The following DMD variants were observed in gnomAD, a reference collection of about 807,000 sequenced individuals.
The protein encoded by DMD is mutant dystrophin.
DMD carries 63 observed loss-of-function variants against 330.1 expected under a neutral mutation model. The ratio of observed to expected loss-of-function variants is 0.19; its 90% CI spans 0.16 to 0.24. The LOEUF (loss-of-function observed/expected upper bound fraction) is 0.24, where lower values mean the gene tolerates loss of function less well. Among genes scored for constraint, DMD ranks in the 10% least tolerant of loss-of-function variants. DMD has a pLI of 1.00. For missense variants in DMD, 3,344 were observed against 2,684.1 expected (o/e 1.25, Z -5.43); for synonymous variants, 1,223 against 959.8 (o/e 1.27, Z -5.07).
chrX:32,837,630 CTT>C (rs1399627955), intron 4 of DMD, among the ~76,000 whole-genome samples: 1 of 112,027 alleles, frequency 8.9e-6, no homozygotes, highest in African/African-American at 3.2e-5. Flanking sequence ...ATTACACTCT[CTT>C]CAACTTTTTC....
At chrX:32,554,878 GAAGAAAGAAAGAAAGAAAGAAAGA>G (rs769646135) in intron 16 of DMD, among the ~76,000 whole-genome samples, 10 of 32,724 alleles carry the variant, frequency 3.1e-4, no homozygotes, top group South Asian at 2.6e-3. Context: ...GAGAAGGAAA[GAAGAAAGAAAGAAAGAAAGAAAGA>G]AAGAAAGAAA....
At chrX:32,865,589 T>C (rs919282356) in intron 2 of DMD, among the ~76,000 whole-genome samples, 2 of 112,343 alleles carry the variant, frequency 1.8e-5, no homozygotes, top group Non-Finnish European at 3.8e-5. Context: ...AGACACCCCA[T>C]CCGAGTGTAC....
chrX:32,922,084 CAGA>C (rs1240682898), intron 2 of DMD, among the ~76,000 whole-genome samples: 4 of 110,212 alleles, frequency 3.6e-5, no homozygotes, highest in Non-Finnish European at 5.7e-5. Context: ...TACACATAAG[CAGA>C]AGGAGAGGGT....
At chrX:32,578,006 CAAAG>C (rs2149165529) in intron 13 of DMD, among the ~76,000 whole-genome samples, 1 of 112,191 alleles carries the variant, frequency 8.9e-6, no homozygotes, top group African/African-American at 3.2e-5. Flanking sequence ...ATTTGAATTA[CAAAG>C]AATGAAGCAA....
chrX:31,891,569 G>T (rs1057042872), intron 47 of DMD, among the ~76,000 whole-genome samples: 3 of 111,756 alleles, frequency 2.7e-5, no homozygotes, highest in Non-Finnish European at 5.6e-5. Context: ...AAATGGGTGA[G>T]ACATGAATAT....
chrX:32,141,271 C>CAAA lies in DMD; in HGVS notation c.6438+75642_6438+75644dup, dbSNP rs35628041. Among the ~76,000 whole-genome samples, 733 of 96,995 alleles carry CAAA rather than the reference C, an allele frequency of 7.6e-3. 9 individuals carry two copies. The highest frequency in any genetic ancestry group is 0.026 in the African/African-American group (669 of 26,037). 84.2% of individuals were successfully genotyped at this position (96,995 alleles called of 115,157 possible). On this transcript the variant is annotated intron_variant, in intron 44 of 78. Coordinates refer to ENST00000357033, the MANE Select transcript of DMD (RefSeq NM_004006.3). ...TGAAACCCCGTCTCTACTAAAAATA[C>CAAA]AAAAAAAAAAAACAAATAGCCTGGC...
intron 47 of DMD, among the ~76,000 whole-genome samples, chrX:31,918,152 GT>G (rs768511285): frequency 8.9e-6 from 1 of 112,519 alleles, no homozygotes; most frequent in Non-Finnish European, 1.9e-5. Context: ...GAATTTTATG[GT>G]AACCTACTTT....
intron 43 of DMD, among the ~76,000 whole-genome samples, chrX:32,278,472 A>T (rs1268649221): frequency 9.0e-6 from 1 of 111,388 alleles, no homozygotes; most frequent in East Asian, 2.8e-4. Flanking sequence ...AATTTTCGCA[A>T]CCTACTCATC....
chrX:32,890,386 G>C (rs1296628913), intron 2 of DMD, among the ~76,000 whole-genome samples: 1 of 107,265 alleles, frequency 9.3e-6, no homozygotes, highest in Admixed American at 1.0e-4. Flanking sequence ...AACTTTTCGC[G>C]GGGAAGGAAA....
intron 47 of DMD, among the ~76,000 whole-genome samples, chrX:31,892,971 A>G (rs765708774): frequency 8.9e-6 from 1 of 112,306 alleles, no homozygotes; most frequent in African/African-American, 3.2e-5. Context: ...GTGGCCATTA[A>G]GATTAAAATA....
chrX:32,469,193 G>A (rs989335077), intron 22 of DMD, among the ~76,000 whole-genome samples: 3 of 110,196 alleles, frequency 2.7e-5, no homozygotes, highest in Non-Finnish European at 3.8e-5. Context: ...ATTCTGTTAT[G>A]TAGTATTATG....
chrX:32,773,533 T>A (rs1034622852), intron 7 of DMD, among the ~76,000 whole-genome samples: 5 of 85,086 alleles, frequency 5.9e-5, no homozygotes, highest in African/African-American at 1.6e-4. Context: ...TTTTTTTTTT[T>A]ACCTATTTAC....
chrX:32,170,279 T>C (rs2096882940), intron 44 of DMD, among the ~76,000 whole-genome samples: 1 of 109,688 alleles, frequency 9.1e-6, no homozygotes, highest in African/African-American at 3.3e-5. Context: ...GAGACCAGCC[T>C]GACCAACATG....
At position 31,479,019 on chromosome X, in the gene DMD, A is replaced by G; in HGVS notation, c.8632T>C (p.Leu2878=). 8.3e-7 allele frequency: 1 copy of G among 1,209,963 alleles called. No homozygotes were observed. Among genetic ancestry groups the G allele is most frequent in the Non-Finnish European group, 1.1e-6 (1 of 894,136 alleles). Residue 2878 remains leucine, a synonymous_variant, in exon 58 of 79, where the codon TTG becomes CTG. Coordinates refer to ENST00000357033, the MANE Select transcript of DMD (RefSeq NM_004006.3). The part of the protein sequence containing the change: ...TVRIFLTEQP[L]EGLEKLYQEP... ...TGGTAGAGTTTCTCTAGTCCTTCCA[A>G]AGGCTGCTCTGTCAGAAATATTCGT...
chrX:32,809,207 T>G (rs1313343070), intron 7 of DMD, among the ~76,000 whole-genome samples: 1 of 111,771 alleles, frequency 8.9e-6, no homozygotes. Flanking sequence ...TTATTTGGAG[T>G]CAATGCACTC....
chrX:33,219,355 T>TGTGTGTG (rs1557302329), intron 1 of DMD, among the ~76,000 whole-genome samples: 1 of 100,859 alleles, frequency 9.9e-6, no homozygotes, highest in Non-Finnish European at 2.0e-5. Context: ...TGTGTGTGTG[T>TGTGTGTG]TCTGTAAATA....
chrX:32,889,859 T>C (rs942688762), intron 2 of DMD, among the ~76,000 whole-genome samples: 2 of 111,306 alleles, frequency 1.8e-5, no homozygotes, highest in African/African-American at 6.5e-5. Flanking sequence ...CAAAGCCTGT[T>C]TGGTGGTCTC....
intron 1 of DMD, among the ~76,000 whole-genome samples, chrX:33,286,952 G>A (rs191953633): frequency 8.9e-6 from 1 of 112,045 alleles, no homozygotes; most frequent in Non-Finnish European, 1.9e-5. Context: ...ATGACTCTGA[G>A]GTTGAAGAGA....
chrX:32,707,267 T>G (rs2147731362), intron 7 of DMD, among the ~76,000 whole-genome samples: 1 of 112,037 alleles, frequency 8.9e-6, no homozygotes, highest in Admixed American at 9.5e-5. Context: ...GGAAAGGAAG[T>G]TACGAATAAA....
Sources: allele counts gnomAD v4.1 joint callset (sites outside exome capture counted in the v4.1 genomes callset), GRCh38; gene constraint gnomAD v4.1.1; transcripts MANE v1.5; gene names NCBI Gene and HGNC (gene_info 2026-07-23, HGNC 2026-07-21).